Variants in CD63 observed in about 807,000 individuals in gnomAD.
CD63 encodes the protein CD63 molecule.
A neutral mutation model predicts 29.2 loss-of-function variants in CD63; 16 were observed. The ratio of observed to expected loss-of-function variants is 0.55; its 90% CI spans 0.37 to 0.83. CD63 has a LOEUF of 0.83. Among genes scored for constraint, CD63 ranks in the 40% least tolerant of loss-of-function variants. CD63 has a pLI of 0.00. For missense variants in CD63, 251 were observed against 297.3 expected, an observed-to-expected ratio of 0.84 and a Z score of 1.15; for synonymous variants, 118 against 111.7, an observed-to-expected ratio of 1.06 and a Z score of -0.36.
At chr12:55,729,198 C>T, upstream of CD63, 2 of 944,412 alleles carry the variant, frequency 2.1e-6, no homozygotes, top group South Asian at 9.7e-5. Flanking sequence ...TGGCCCCTAC[C>T]CGGAAGAAGG....
downstream of CD63, chr12:55,724,751 C>T (rs1369008036): frequency 1.2e-5 from 8 of 640,010 alleles, no homozygotes; most frequent in Non-Finnish European, 2.0e-5. Context: ...GACATGCTCA[C>T]GGTCTCTGGC....
chr12:55,729,033 C>T (rs1877733527), upstream of CD63: 1 of 985,486 alleles, frequency 1.0e-6, no homozygotes, highest in Non-Finnish European at 1.2e-6. Context: ...GGCTCCCGCC[C>T]CGCCTGCCGC....
At position 55,726,334 on chromosome 12, in the gene CD63, C is replaced by CTTTTTT. The variant is rs777731653; in HGVS notation, c.427-79_427-74dup. On this transcript the variant is annotated intron_variant, in intron 5 of 7. Transcript: ENST00000257857. ...CACCTTCAATATGGAGATGAGAATT[C>CTTTTTT]TTTTTTTTTTTTTTTTTTTTTTTTT... 19 of 288,090 alleles carry CTTTTTT rather than the reference C, an allele frequency of 6.6e-5. 1 individual carries two copies. The highest frequency in any genetic ancestry group is 1.8e-4 in the African/African-American group (4 of 22,480). The allele number at this position is 288,090 out of a possible 1,614,324, so 17.8% of individuals were successfully genotyped here. A position where few individuals can be genotyped will look rare whatever the true frequency, so the allele number is the denominator to read the frequency against.
downstream of CD63, chr12:55,724,556 C>A: frequency 1.2e-6 from 2 of 1,606,304 alleles, no homozygotes; most frequent in Non-Finnish European, 1.7e-6. Context: ...ATCCAGCCTT[C>A]CAGCAAGAGA....
At chr12:55,727,884 GA>G in intron 2 of CD63, 1 of 1,087,574 alleles carries the variant, frequency 9.2e-7, no homozygotes, top group Non-Finnish European at 1.1e-6. Flanking sequence ...TGGGAGGAGG[GA>G]AAGGGGGAGA....
At position 55,727,097 on chromosome 12, in the gene CD63, C is replaced by T. The variant is rs1371971929; in HGVS notation, c.255+54G>A. 9 of 1,546,424 alleles carry T rather than the reference C, an allele frequency of 5.8e-6. No homozygotes were observed. The Admixed American group carries it at 1.2e-4, about 20-fold the overall frequency. On this transcript the variant is annotated intron_variant, in intron 3 of 7. Transcript: ENST00000257857. ...CCTCACCCACCTTCCTGAGCCCGAA[C>T]CAAGCTGCTCTGGCAGTCCCAGACC...
intron 3 of CD63, 89 bp from the exon 4 acceptor site, chr12:55,727,053 G>A: frequency 1.3e-6 from 2 of 1,564,724 alleles, no homozygotes; most frequent in South Asian, 1.1e-5. Context: ...CACTCACAAA[G>A]GTCTTCCTCA....
chr12:55,725,529 C>A lies in CD63; in HGVS notation c.*32G>T. 1.3e-6 allele frequency: 2 copies of A among 1,554,224 alleles called. No individual in the cohort carries two copies. Among genetic ancestry groups the A allele is most frequent in the Non-Finnish European group, 1.8e-6 (2 of 1,125,632 alleles). ...AAACCTGGAGGATACTATTCCACTC[C>A]CCCAGATGAGGAGGCTGAGGAGACC... On this transcript the variant is annotated 3_prime_UTR_variant, in exon 8 of 8. Transcript: ENST00000257857.
chr12:55,727,315 CG>C lies in CD63; in HGVS notation c.90del (p.Val31TrpfsTer9). On this transcript the variant is annotated frameshift_variant, in exon 3 of 8. Transcript: ENST00000257857. LOFTEE classifies it high-confidence loss of function. ...AFCACAVGLIAVGVGAQLVLS... is the reference protein window; with the variant it reads ...AFCACAVGLIXVGVGAQLVLS... ...AGGACAAGCTGTGCCCCGACACCCACGGCAATCAGTCCCACTGCACAGGCCT... is the reference window on the plus strand; with the variant it reads ...AGGACAAGCTGTGCCCCGACACCCACGCAATCAGTCCCACTGCACAGGCCT... The C allele has an allele frequency of 6.2e-7, 1 of 1,613,640 alleles. No individual in the cohort carries two copies. The highest frequency in any genetic ancestry group is 8.5e-7 in the Non-Finnish European group (1 of 1,179,904).
At position 55,726,334 on chromosome 12, in the gene CD63, C is replaced by CTTTT. The variant is rs777731653; in HGVS notation, c.427-77_427-74dup. The CTTTT allele has an allele frequency of 1.3e-3, 374 of 287,790 alleles. 9 individuals are homozygous for CTTTT. The highest frequency in any genetic ancestry group is 3.6e-3 in the African/African-American group (80 of 22,464). The allele number at this position is 287,790 out of a possible 1,614,324, so 17.8% of individuals were successfully genotyped here. ...CACCTTCAATATGGAGATGAGAATT[C>CTTTT]TTTTTTTTTTTTTTTTTTTTTTTTT... is the stretch of plus-strand genomic sequence containing the variant. On this transcript the variant is annotated intron_variant, in intron 5 of 7. Transcript: ENST00000257857.
intron 5 of CD63, among the ~76,000 whole-genome samples, 183 bp downstream of exon 5, chr12:55,726,517 G>A (rs1364453084): frequency 6.6e-6 from 1 of 151,698 alleles, no homozygotes; most frequent in Non-Finnish European, 1.5e-5. Flanking sequence ...GCTAATTTTT[G>A]TATTTTTAGT....
At chr12:55,725,649 G>T (rs1333398741) in intron 7 of CD63, 23 bp from the exon 8 acceptor site, 3 of 1,611,036 alleles carry the variant, frequency 1.9e-6, no homozygotes, top group South Asian at 1.1e-5. Flanking sequence ...ATGGGGACAG[G>T]GGTGGAGAGG....
At chr12:55,723,842 C>CT (rs1243034960), downstream of CD63, 3 of 1,607,962 alleles carry the variant, frequency 1.9e-6, no homozygotes, top group Admixed American at 1.7e-5. Context: ...AGTCCCCTCC[C>CT]TATAGGGCAA....
In CD63 at chr12:55,726,885, CTTACCT is replaced by C; in HGVS notation, c.329_330+4del. 1 of 1,613,968 alleles carries C rather than the reference CTTACCT, an allele frequency of 6.2e-7. No individual in the cohort carries two copies. Among genetic ancestry groups the C allele is most frequent in the Non-Finnish European group, 8.5e-7 (1 of 1,179,836 alleles). ...GGCAGGCCCTTCCCATTATTCCCTGCTTACCTTATCTCTAAACACATAGCCAGCAAT... is the reference window on the plus strand; with the variant it reads ...GGCAGGCCCTTCCCATTATTCCCTGCTATCTCTAAACACATAGCCAGCAAT... On this transcript the variant is annotated splice_donor_variant and splice_donor_region_variant and coding_sequence_variant and intron_variant, in exon 4 of 8. Coordinates refer to ENST00000257857, the MANE Select transcript of CD63 (RefSeq NM_001780.6). LOFTEE classifies it high-confidence loss of function.
intron 2 of CD63, chr12:55,727,970 T>G: frequency 8.3e-7 from 1 of 1,205,008 alleles, no homozygotes. Context: ...CCCATGGCGA[T>G]AGCATCAGGC....
intron 2 of CD63, chr12:55,727,946 G>T (rs895511848): frequency 8.4e-7 from 1 of 1,193,880 alleles, no homozygotes; most frequent in African/African-American, 1.6e-5. Context: ...GGAGAAGGGA[G>T]AGCGAAGGGA....
rs1194349346 is a variant in CD63, at chr12:55,727,440, C to A, written c.67-101G>T. 7.0e-6 allele frequency: 9 copies of A among 1,290,168 alleles called. No homozygotes were observed. In the East Asian group the frequency reaches 1.9e-4, roughly 28 times the overall value. 79.9% of individuals were successfully genotyped at this position (1,290,168 alleles called of 1,614,324 possible). A position where few individuals can be genotyped will look rare whatever the true frequency, so the allele number is the denominator to read the frequency against. On this transcript the variant is annotated intron_variant, in intron 2 of 7. Transcript: ENST00000257857. ...CCTAGGACACAGACTTGACCCCATC[C>A]GGAAGAGAGATTCTCACACCTCTAG...
At chr12:55,727,633 G>A in intron 2 of CD63, 2 of 1,146,406 alleles carry the variant, frequency 1.7e-6, no homozygotes, top group South Asian at 3.1e-5. Context: ...CTTTCTACAG[G>A]CCTCCAGGGC....
chr12:55,729,328 G>A (rs207472948), upstream of CD63: 7 of 167,418 alleles, frequency 4.2e-5, no homozygotes, highest in South Asian at 3.9e-4. Context: ...CGCAGCCTGG[G>A]TCACTCTGGT....
Sources: gnomAD v4.1 joint callset for allele counts (sites outside exome capture counted in the v4.1 genomes callset) on GRCh38, gnomAD v4.1.1 for gene constraint, MANE v1.5 for transcripts, NCBI Gene and HGNC (gene_info 2026-07-23, HGNC 2026-07-21) for gene names.